FOXP2: variants seen among roughly 807,000 people sequenced by gnomAD.
FOXP2 encodes the protein forkhead box protein P2.
A neutral mutation model predicts 115.8 loss-of-function variants in FOXP2; 12 were observed. That is an observed-to-expected ratio of 0.10 (90% CI 0.07 to 0.17). FOXP2 has a LOEUF of 0.17. FOXP2 is among the 10% of genes least tolerant of loss of function. The pLI, the probability that FOXP2 is intolerant of heterozygous loss-of-function variation, is 1.00. For missense variants in FOXP2, 629 were observed against 843.5 expected (o/e 0.75, Z 3.15); for synonymous variants, 328 against 297.7 (o/e 1.10, Z -1.05).
chr7:114,448,651 C>T (rs934063069), intron 2 of FOXP2, among the ~76,000 whole-genome samples: 1 of 152,024 alleles, frequency 6.6e-6, no homozygotes, highest in Non-Finnish European at 1.5e-5. Flanking sequence ...TTAGCCATTC[C>T]ACTTTCTAGA....
upstream of FOXP2, among the ~76,000 whole-genome samples, chr7:114,412,995 A>G (rs1793202903): frequency 6.6e-6 from 1 of 152,240 alleles, no homozygotes; most frequent in African/African-American, 2.4e-5. Context: ...CAATTTTTTT[A>G]ACTTTTGTTG....
At chr7:114,254,645 A>C (rs762096549) in intron 1 of FOXP2, among the ~76,000 whole-genome samples, 1 of 151,928 alleles carries the variant, frequency 6.6e-6, no homozygotes, top group Admixed American at 6.5e-5. Flanking sequence ...CAGCTCCATC[A>C]GTTCATTTAA....
At chr7:114,212,681 C>T (rs965448470) in intron 1 of FOXP2, among the ~76,000 whole-genome samples, 6 of 151,960 alleles carry the variant, frequency 3.9e-5, no homozygotes, top group African/African-American at 1.2e-4. Context: ...CTGCCTCTTT[C>T]TAGAATAGTC....
intron 2 of FOXP2, among the ~76,000 whole-genome samples, chr7:114,502,727 T>A (rs1797623878): frequency 6.6e-6 from 1 of 152,040 alleles, no homozygotes; most frequent in African/African-American, 2.4e-5. Context: ...TCTTTTCCCA[T>A]AAATGCACAG....
At chr7:114,290,029 T>G (rs1342720789) in intron 2 of FOXP2, among the ~76,000 whole-genome samples, 2 of 151,930 alleles carry the variant, frequency 1.3e-5, no homozygotes, top group African/African-American at 4.8e-5. Flanking sequence ...TCTGTTAATT[T>G]TTGCTTCTCA....
rs533464159 is a variant in FOXP2, at chr7:114,257,805, T to C, written c.-101-30214T>C. On this transcript the variant is annotated intron_variant, in intron 1 of 17. Transcript: ENST00000634411. ...AAGGAAGTGAGCAAACCAGATAAAC[T>C]GTTGCTTTGGGGGAAAAATGTTCCA... Among the ~76,000 whole-genome samples the C allele has an allele frequency of 3.9e-5, 6 of 152,282 alleles. No homozygotes were observed. In the East Asian group the frequency reaches 9.7e-4, roughly 24 times the overall value.
Position 114,454,101 on chromosome 7 carries a change from A to T in FOXP2, c.168+27422A>T, listed in dbSNP as rs1411476942. Among the ~76,000 whole-genome samples, 8 of 150,110 alleles carry T rather than the reference A, an allele frequency of 5.3e-5. No homozygotes were observed. The South Asian group carries it at 1.7e-3, about 32-fold the overall frequency. ...CAGGCAACCTACAAAATGGGAGAAAATTTTCGCAACCTACTCATCTGACAA... is the reference window on the plus strand; with the variant it reads ...CAGGCAACCTACAAAATGGGAGAAATTTTTCGCAACCTACTCATCTGACAA... On this transcript the variant is annotated intron_variant, in intron 2 of 16. Coordinates refer to ENST00000350908, the MANE Select transcript of FOXP2 (RefSeq NM_014491.4).
chr7:114,112,379 C>T (rs1202774757), intron 1 of FOXP2, among the ~76,000 whole-genome samples: 1 of 151,986 alleles, frequency 6.6e-6, no homozygotes, highest in East Asian at 1.9e-4. Context: ...TCACTGCAAC[C>T]TTCTGCCTCC....
At chr7:114,625,957 TG>T (rs1804551238) in intron 3 of FOXP2, among the ~76,000 whole-genome samples, 1 of 151,762 alleles carries the variant, frequency 6.6e-6, no homozygotes, top group African/African-American at 2.4e-5. Context: ...CAATCATGTA[TG>T]TGTTAATTGG....
chr7:114,671,798 C>T (rs947123984), intron 16 of FOXP2, among the ~76,000 whole-genome samples: 2 of 152,216 alleles, frequency 1.3e-5, no homozygotes, highest in South Asian at 4.1e-4. Context: ...AAGAGACTTA[C>T]ATAAAGTCAA....
At chr7:114,516,367 C>T (rs2129266005) in intron 2 of FOXP2, among the ~76,000 whole-genome samples, 1 of 152,172 alleles carries the variant, frequency 6.6e-6, no homozygotes, top group Admixed American at 6.5e-5. Context: ...ATGTAGAAAG[C>T]TGAAACTGGA....
At chr7:114,509,432 A>G (rs1050971438) in intron 2 of FOXP2, among the ~76,000 whole-genome samples, 1 of 152,078 alleles carries the variant, frequency 6.6e-6, no homozygotes, top group African/African-American at 2.4e-5. Flanking sequence ...GAAAGGTATT[A>G]TGAAAGTCCA....
intron 2 of FOXP2, chr7:114,498,769 A>G (rs1584811860): frequency 1.4e-6 from 1 of 695,526 alleles, no homozygotes; most frequent in Non-Finnish European, 2.7e-6. Context: ...ATTTAATTTT[A>G]TAGGCATACT....
At chr7:114,281,668 TTAAG>T (rs1364280844) in intron 1 of FOXP2, among the ~76,000 whole-genome samples, 6 of 152,186 alleles carry the variant, frequency 3.9e-5, no homozygotes, top group Non-Finnish European at 8.8e-5. Context: ...ATATATATAT[TTAAG>T]TATTTCCAAC....
At chr7:114,662,467 C>T (rs1182213528) in intron 14 of FOXP2, among the ~76,000 whole-genome samples, 1 of 151,958 alleles carries the variant, frequency 6.6e-6, no homozygotes, top group Non-Finnish European at 1.5e-5. Context: ...AACATGCTTT[C>T]TAGAGAGAGA....
At chr7:114,270,085 G>T (rs1795997532) in intron 1 of FOXP2, among the ~76,000 whole-genome samples, 1 of 152,124 alleles carries the variant, frequency 6.6e-6, no homozygotes, top group Admixed American at 6.6e-5. Flanking sequence ...AGAATGCAAA[G>T]AAATGAGCAT....
intron 1 of FOXP2, among the ~76,000 whole-genome samples, chr7:114,146,795 T>C (rs949375269): frequency 2.0e-5 from 3 of 152,210 alleles, no homozygotes; most frequent in Admixed American, 6.5e-5. Flanking sequence ...GGCAGCAGGC[T>C]GAAACAGCAT....
chr7:114,271,971 T>G (rs1397684003), intron 1 of FOXP2, among the ~76,000 whole-genome samples: 3 of 133,328 alleles, frequency 2.3e-5, no homozygotes, highest in Non-Finnish European at 4.7e-5. Flanking sequence ...TAATTATATA[T>G]AATATAATTA....
At chr7:114,149,619 C>A (rs1209169804) in intron 1 of FOXP2, among the ~76,000 whole-genome samples, 1 of 151,678 alleles carries the variant, frequency 6.6e-6, no homozygotes, top group Non-Finnish European at 1.5e-5. Context: ...TTTTATCTAG[C>A]AAACTGTGTT....
Sources: allele counts gnomAD v4.1 joint callset (sites outside exome capture counted in the v4.1 genomes callset), GRCh38; gene constraint gnomAD v4.1.1; transcripts MANE v1.5; gene names NCBI Gene and HGNC (gene_info 2026-07-23, HGNC 2026-07-21).